Variants in SHB observed in about 807,000 individuals in gnomAD.
The protein encoded by SHB is SH2 domain containing adaptor protein B.
Under a neutral mutation model 52.3 loss-of-function variants are expected in SHB, and 20 were observed. The observed-to-expected ratio is 0.38, with a 90% CI of 0.27 to 0.56. The LOEUF (loss-of-function observed/expected upper bound fraction) is 0.56. Ranked by LOEUF, SHB falls within the 20% of genes least tolerant of loss-of-function variation. The pLI is 0.71. For missense variants in SHB, 825 were observed against 723.3 expected (o/e 1.14, Z -1.61); for synonymous variants, 397 against 316.5 (o/e 1.25, Z -2.70).
At chr9:37,947,649 T>C (rs10973621) in intron 5 of SHB, among the ~76,000 whole-genome samples, 3,702 of 152,286 alleles carry the variant, frequency 0.024, 70 homozygotes, top group Non-Finnish European at 0.038. Flanking sequence ...GGGTCAGTCG[T>C]GAGCAGAGAA....
At chr9:37,969,273 G>A (rs532842117) in intron 3 of SHB, among the ~76,000 whole-genome samples, 109 of 152,288 alleles carry the variant, frequency 7.2e-4, no homozygotes, top group African/African-American at 2.4e-3. Flanking sequence ...GAGCTGACAG[G>A]TTCAAAGTCC....
chr9:37,951,293 A>T (rs937504546), intron 4 of SHB, among the ~76,000 whole-genome samples: 1 of 152,220 alleles, frequency 6.6e-6, no homozygotes, highest in Non-Finnish European at 1.5e-5. Context: ...TTCTTTCTAA[A>T]GGTACAGAGA....
intron 5 of SHB, among the ~76,000 whole-genome samples, chr9:37,927,453 G>A (rs954498240): frequency 1.3e-5 from 2 of 152,294 alleles, no homozygotes; most frequent in Non-Finnish European, 2.9e-5. Flanking sequence ...TACCCGAGAC[G>A]CCAGGGCATT....
chr9:38,003,831 A>C (rs1426080054), intron 2 of SHB, among the ~76,000 whole-genome samples: 1 of 152,254 alleles, frequency 6.6e-6, no homozygotes, highest in Admixed American at 6.5e-5. Context: ...ACAGCACAGA[A>C]ATGGAAGCAA....
At chr9:38,042,581 C>T (rs1821598155) in intron 1 of SHB, among the ~76,000 whole-genome samples, 1 of 152,218 alleles carries the variant, frequency 6.6e-6, no homozygotes, top group African/African-American at 2.4e-5. Context: ...CCTCCACCTT[C>T]AGCTGGGTGT....
intron 5 of SHB, among the ~76,000 whole-genome samples, chr9:37,945,541 G>A (rs997905596): frequency 6.6e-6 from 1 of 152,220 alleles, no homozygotes; most frequent in African/African-American, 2.4e-5. Context: ...AGCTGGGCAG[G>A]TGAGAACAAC....
chr9:38,003,882 C>G (rs369388932), intron 2 of SHB, among the ~76,000 whole-genome samples: 1 of 152,240 alleles, frequency 6.6e-6, no homozygotes, highest in African/African-American at 2.4e-5. Context: ...CTGTCGCCCA[C>G]CGGCTGGTTC....
chr9:38,041,751 C>G (rs909877838), intron 1 of SHB, among the ~76,000 whole-genome samples: 7 of 152,122 alleles, frequency 4.6e-5, no homozygotes, highest in African/African-American at 1.4e-4. Context: ...GGGATGTGAT[C>G]AGCTGCCCTC....
intron 1 of SHB, among the ~76,000 whole-genome samples, chr9:38,032,466 C>T (rs1821427719): frequency 6.6e-6 from 1 of 152,240 alleles, no homozygotes; most frequent in Admixed American, 6.5e-5. Flanking sequence ...CAGGAAGAAG[C>T]AGCAGCTTTG....
chr9:37,924,132 GT>G (rs955708831), intron 5 of SHB, among the ~76,000 whole-genome samples: 1 of 152,238 alleles, frequency 6.6e-6, no homozygotes, highest in African/African-American at 2.4e-5. Context: ...TGGGTGACCT[GT>G]CTAATGAGTC....
chr9:38,002,492 G>A (rs1426043055), intron 2 of SHB, among the ~76,000 whole-genome samples: 4 of 152,056 alleles, frequency 2.6e-5, no homozygotes, highest in Non-Finnish European at 4.4e-5. Flanking sequence ...GAGCACTACC[G>A]AACCACGTGA....
intron 3 of SHB, among the ~76,000 whole-genome samples, chr9:37,964,446 C>T (rs1832726765): frequency 6.6e-6 from 1 of 152,198 alleles, no homozygotes; most frequent in Admixed American, 6.5e-5. Context: ...GCAAAGACCC[C>T]ACCCTAAGAT....
At chr9:37,943,214 C>T (rs1832454580) in intron 5 of SHB, among the ~76,000 whole-genome samples, 1 of 152,192 alleles carries the variant, frequency 6.6e-6, no homozygotes, top group Admixed American at 6.5e-5. Context: ...GGGTTTAAGA[C>T]CTGCTCATCC....
chr9:37,984,764 T>C (rs1820783540), intron 2 of SHB, among the ~76,000 whole-genome samples: 1 of 152,088 alleles, frequency 6.6e-6, no homozygotes, highest in Non-Finnish European at 1.5e-5. Context: ...AGGTGCCACA[T>C]CAAAAGGGAG....
At chr9:37,969,614 TG>T in intron 3 of SHB, among the ~76,000 whole-genome samples, 1 of 152,254 alleles carries the variant, frequency 6.6e-6, no homozygotes, top group East Asian at 1.9e-4. Flanking sequence ...ACCGATTTGG[TG>T]TCTTTGCCAC....
At chr9:38,005,761 G>A (rs1335665945) in intron 2 of SHB, among the ~76,000 whole-genome samples, 2 of 152,136 alleles carry the variant, frequency 1.3e-5, no homozygotes, top group Non-Finnish European at 2.9e-5. Context: ...AAATAATAGG[G>A]TGTGGGGCAA....
rs562417852 is a variant in SHB at position 38,060,814 on chromosome 9, C to A, written c.717+7115G>T. Among the ~76,000 whole-genome samples, 99 of 152,344 alleles carry A rather than the reference C, an allele frequency of 6.5e-4. 1 individual carries two copies. The highest frequency in any genetic ancestry group is 4.6e-3 in the South Asian group (22 of 4,826). On this transcript the variant is annotated intron_variant, in intron 1 of 5. Coordinates refer to ENST00000377707, the MANE Select transcript of SHB (RefSeq NM_003028.3). ...GACAGCTTTTAGCTCACCCACACCA[C>A]TTTATTTACAGATAAATTCTGACAT...
At chr9:38,011,866 G>C (rs1363033081) in intron 2 of SHB, among the ~76,000 whole-genome samples, 1 of 152,236 alleles carries the variant, frequency 6.6e-6, no homozygotes, top group Non-Finnish European at 1.5e-5. Flanking sequence ...CCATAGAGCT[G>C]TAGGGTTTAA....
intron 1 of SHB, among the ~76,000 whole-genome samples, chr9:38,065,000 A>C (rs952954163): frequency 2.6e-5 from 4 of 152,158 alleles, no homozygotes; most frequent in African/African-American, 9.7e-5. Flanking sequence ...ACATGGCCCC[A>C]GTTACTCAGG....
Sources: allele counts gnomAD v4.1 joint callset (sites outside exome capture counted in the v4.1 genomes callset), GRCh38; gene constraint gnomAD v4.1.1; transcripts MANE v1.5; gene names NCBI Gene and HGNC (gene_info 2026-07-23, HGNC 2026-07-21).